LMF1: variants seen among roughly 807,000 people sequenced by gnomAD.
The protein encoded by LMF1 is lipase maturation factor 1.
A neutral mutation model predicts 60.6 loss-of-function variants in LMF1; 68 were observed. The observed-to-expected ratio is 1.12, with a 90% CI of 0.92 to 1.37. LMF1 has a LOEUF of 1.37. LMF1 is among the 40% of genes most tolerant of loss of function. LMF1 has a pLI of 0.00. For synonymous variants in LMF1, 418 were observed against 324.7 expected (o/e 1.29, Z -3.09); for missense variants, 948 against 767.2 (o/e 1.24, Z -2.78).
chr16:966,362 C>T (rs186973811), intron 1 of LMF1, among the ~76,000 whole-genome samples: 125 of 152,320 alleles, frequency 8.2e-4, no homozygotes, highest in African/African-American at 2.9e-3. Flanking sequence ...CTGGCCGGGG[C>T]GGTTCCCTCC....
intron 2 of LMF1, among the ~76,000 whole-genome samples, chr16:938,922 G>A (rs2072018735): frequency 6.6e-6 from 1 of 152,254 alleles, no homozygotes; most frequent in South Asian, 2.1e-4. Context: ...TGAAAATGGG[G>A]AAAGACGGGC....
At chr16:924,018 G>A (rs1483092217) in intron 3 of LMF1, among the ~76,000 whole-genome samples, 1 of 152,130 alleles carries the variant, frequency 6.6e-6, no homozygotes, top group Admixed American at 6.5e-5. Context: ...CAGGAAAAAT[G>A]AAGAGTTATT....
intron 1 of LMF1, among the ~76,000 whole-genome samples, chr16:958,983 G>A (rs117020679): frequency 0.013 from 2,006 of 152,268 alleles, 18 homozygotes; most frequent in Non-Finnish European, 0.019. Flanking sequence ...TCGCTGTGCC[G>A]GGGATGCTGT....
At chr16:959,379 C>T (rs1052523329) in intron 1 of LMF1, among the ~76,000 whole-genome samples, 7 of 152,142 alleles carry the variant, frequency 4.6e-5, no homozygotes, top group East Asian at 1.9e-4. Flanking sequence ...ACCAGAGGGA[C>T]GGGAGACAGA....
At chr16:942,092 T>C (rs1481342138) in intron 2 of LMF1, among the ~76,000 whole-genome samples, 1 of 152,256 alleles carries the variant, frequency 6.6e-6, no homozygotes, top group East Asian at 1.9e-4. Flanking sequence ...TTCTATAGTG[T>C]GTCTGCTGGC....
In LMF1 at chr16:874,346, G is replaced by C. The variant is rs2069904878; in HGVS notation, c.898-3005C>G. On this transcript the variant is annotated intron_variant, in intron 6 of 10. Transcript: ENST00000262301. This position sits in a 1 kb window ranked among gnomAD's most constrained non-coding sequence, Gnocchi z 4.1. ...GCCACCACAGGGCAAGGAGCCCTTT[G>C]GGCAGGGCGGGGTGGGGTGGGGCCG... Among the ~76,000 whole-genome samples, 3 of 151,662 alleles carry C rather than the reference G, an allele frequency of 2.0e-5. No homozygotes were observed. The highest frequency in any genetic ancestry group is 7.3e-5 in the African/African-American group (3 of 41,252).
chr16:932,308 C>T (rs2071811975), intron 3 of LMF1, among the ~76,000 whole-genome samples: 1 of 152,228 alleles, frequency 6.6e-6, no homozygotes, highest in African/African-American at 2.4e-5. Context: ...CACGGCAGCA[C>T]CGTGGCCTCG....
chr16:893,201 G>GTCCCCTCCCTCACA, intron 4 of LMF1, 129 bp from the exon 5 acceptor site: 1 of 780,642 alleles, frequency 1.3e-6, no homozygotes, highest in Non-Finnish European at 2.2e-6. Context: ...GCGCTGTGAG[G>GTCCCCTCCCTCACA]GAGGGGACCT....
In LMF1 at chr16:962,884, G is replaced by A. The variant is rs1164557838; in HGVS notation, c.193+7904C>T. Among the ~76,000 whole-genome samples the A allele has an allele frequency of 6.6e-6, 1 of 152,196 alleles. No individual in the cohort carries two copies. The highest frequency in any genetic ancestry group is 6.5e-5 in the Admixed American group (1 of 15,274). ...CTCTGCACCACTCAGTGCCCGGCAT[G>A]AAGCGCTGTGAGCAGCCTCCCTCCA... On this transcript the variant is annotated intron_variant, in intron 1 of 10. Transcript: ENST00000262301. The surrounding 1 kb of genome is among the most constrained non-coding windows in gnomAD (Gnocchi z 4.5).
intron 1 of LMF1, among the ~76,000 whole-genome samples, chr16:956,416 G>T (rs563672493): frequency 6.6e-6 from 1 of 152,138 alleles, no homozygotes; most frequent in African/African-American, 2.4e-5. Flanking sequence ...GCAGTTGAAA[G>T]TAAAAAAGAT....
chr16:855,689 G>T, intron 10 of LMF1: 1 of 455,904 alleles, frequency 2.2e-6, no homozygotes, highest in Non-Finnish European at 4.4e-6. Context: ...GGCCCCAGCT[G>T]CCCGGTGGGT....
chr16:914,713 C>G (rs2071229674), intron 3 of LMF1, among the ~76,000 whole-genome samples: 5 of 544 alleles, frequency 9.2e-3, no homozygotes, highest in Admixed American at 0.025. Flanking sequence ...CCTCCCACGA[C>G]CATTGGTGAC....
intron 5 of LMF1, chr16:886,982 G>T (rs2070327099): frequency 6.6e-6 from 1 of 151,658 alleles, no homozygotes; most frequent in Non-Finnish European, 1.5e-5. Flanking sequence ...AGGAGACAAG[G>T]CGAGAAGCCT....
chr16:869,048 C>G lies in LMF1; in HGVS notation c.1425G>C (p.Glu475Asp), dbSNP rs770446199. The change falls in exon 10 of 11, where the codon GAG becomes GAC. Residue 475 changes from glutamate to aspartate, a missense_variant. Transcript: ENST00000262301. ...LMWFAAFQTYEHNDWIIHLAG... is the reference protein window; with the variant it reads ...LMWFAAFQTYDHNDWIIHLAG... The stretch of plus-strand genomic sequence containing the variant: ...CCAGGTGGATGATCCAGTCGTTGTG[C>G]TCGTAGGTCTGGGAGGAGAGGTCGG... The G allele has an allele frequency of 2.5e-6, 4 of 1,610,614 alleles. No individual in the cohort carries two copies. In the African/African-American group the frequency reaches 4.0e-5, roughly 16 times the overall value.
intron 3 of LMF1, among the ~76,000 whole-genome samples, chr16:928,624 C>CA (rs2071678906): frequency 1.3e-5 from 2 of 152,126 alleles, no homozygotes; most frequent in South Asian, 4.1e-4. Context: ...CAAAGGCCTC[C>CA]AGCCCCTCCC....
intron 1 of LMF1, among the ~76,000 whole-genome samples, chr16:964,437 T>A (rs1407754584): frequency 6.6e-6 from 1 of 152,240 alleles, no homozygotes; most frequent in African/African-American, 2.4e-5. Flanking sequence ...GGTTAAATTC[T>A]GGGCCTCAGC....
chr16:970,347 C>A (rs2073015311), intron 1 of LMF1, among the ~76,000 whole-genome samples: 1 of 152,196 alleles, frequency 6.6e-6, no homozygotes. Context: ...TCGGGGACAG[C>A]AGGAGCGCCT....
rs1567291155 is a variant in LMF1, at chr16:946,300, T to C, written c.503+8057A>G. 3.3e-5 allele frequency among the ~76,000 whole-genome samples: 5 copies of C among 152,342 alleles called. No individual in the cohort carries two copies. The South Asian group carries it at 8.3e-4, about 25-fold the overall frequency. On this transcript the variant is annotated intron_variant, in intron 2 of 10. Transcript: ENST00000262301. Reference sequence around the variant, plus strand: ...GGCTGGCAGCGGATGTAGCCACTTGTGTGCTTTCCGAATTCACTGTATTGT... The same window carrying C: ...GGCTGGCAGCGGATGTAGCCACTTGCGTGCTTTCCGAATTCACTGTATTGT...
intron 5 of LMF1, among the ~76,000 whole-genome samples, chr16:892,682 G>A (rs1322164696): frequency 6.6e-6 from 1 of 152,236 alleles, no homozygotes; most frequent in African/African-American, 2.4e-5. Context: ...AGGGGACGGT[G>A]GGGAGCTGTG....
Sources: gnomAD v4.1 joint callset for allele counts (sites outside exome capture counted in the v4.1 genomes callset) on GRCh38, gnomAD v4.1.1 for gene constraint, Gnocchi (gnomAD v3.1) non-coding constraint, MANE v1.5 for transcripts, NCBI Gene and HGNC (gene_info 2026-07-23, HGNC 2026-07-21) for gene names.